PAX3: variants seen among roughly 807,000 people sequenced by gnomAD.
PAX3 encodes the protein paired box 3.
In PAX3, 14 loss-of-function variants were observed where a neutral mutation model predicts 51.6. That is an observed-to-expected ratio of 0.27 (90% CI 0.18 to 0.42). The LOEUF is 0.42. Among genes scored for constraint, PAX3 ranks in the 10% least tolerant of loss-of-function variants. The pLI, the probability that PAX3 is intolerant of heterozygous loss-of-function variation, is 1.00. For synonymous variants in PAX3, 280 were observed against 253.4 expected (o/e 1.11, Z -1.00); for missense variants, 540 against 642.8 (o/e 0.84, Z 1.73).
At chr2:222,238,150 A>G (rs1692869900) in intron 4 of PAX3, among the ~76,000 whole-genome samples, 1 of 152,208 alleles carries the variant, frequency 6.6e-6, no homozygotes, top group Non-Finnish European at 1.5e-5. Context: ...ATACCCCCAC[A>G]GGATTACAAA....
At chr2:222,262,263 G>A (rs2106145925) in intron 4 of PAX3, among the ~76,000 whole-genome samples, 2 of 152,160 alleles carry the variant, frequency 1.3e-5, no homozygotes, top group Non-Finnish European at 2.9e-5. Flanking sequence ...TATGTTGGTG[G>A]ACTTAGGGAT....
intron 4 of PAX3, among the ~76,000 whole-genome samples, chr2:222,247,881 C>T (rs976036772): frequency 4.6e-5 from 7 of 151,984 alleles, no homozygotes; most frequent in African/African-American, 1.7e-4. Context: ...CACTATATCT[C>T]ATTATATCTA....
chr2:222,244,731 C>T lies in PAX3; in HGVS notation c.587-12448G>A, dbSNP rs1467614423. On this transcript the variant is annotated intron_variant, in intron 4 of 8. Coordinates refer to ENST00000392070, the MANE Select transcript of PAX3 (RefSeq NM_181458.4). ...GCCCATAGTCAGACAGTATATTGTT[C>T]ACCAAAAAAAAAAAAAAAAAAAGAT... Among the ~76,000 whole-genome samples, 7 of 118,866 alleles carry T rather than the reference C, an allele frequency of 5.9e-5. No homozygotes were observed. In the South Asian group the frequency reaches 9.0e-4, roughly 15 times the overall value. The allele number at this position is 118,866 out of a possible 152,430, so 78.0% of individuals were successfully genotyped here. A position where few individuals can be genotyped will look rare whatever the true frequency, so the allele number is the denominator to read the frequency against.
chr2:222,294,306 G>A lies in PAX3; in HGVS notation c.452-5C>T, dbSNP rs753791720. 1.7e-5 allele frequency: 27 copies of A among 1,614,030 alleles called. No homozygotes were observed. Among genetic ancestry groups the A allele is most frequent in the Non-Finnish European group, 2.0e-5 (24 of 1,180,052 alleles). On this transcript the variant is annotated splice_polypyrimidine_tract_variant and splice_region_variant and intron_variant, in intron 3 of 8. Coordinates refer to ENST00000392070, the MANE Select transcript of PAX3 (RefSeq NM_181458.4). ...GGATGCGGCTGATGGAACTCACTGG[G>A]GGCGGGAGGAGGAAGGAAGCAAGGG...
chr2:222,291,296 G>A (rs1325335761), intron 4 of PAX3, among the ~76,000 whole-genome samples: 1 of 152,166 alleles, frequency 6.6e-6, no homozygotes, highest in Non-Finnish European at 1.5e-5. Context: ...GATAGCGGGC[G>A]GGGTTCGTGT....
chr2:222,219,031 T>C (rs1407479179), intron 7 of PAX3, among the ~76,000 whole-genome samples: 1 of 152,114 alleles, frequency 6.6e-6, no homozygotes, highest in Non-Finnish European at 1.5e-5. Context: ...ACACCACAAG[T>C]TGAAGAAAAC....
intron 5 of PAX3, among the ~76,000 whole-genome samples, chr2:222,228,307 T>TA (rs1692458711): frequency 6.6e-6 from 1 of 152,166 alleles, no homozygotes; most frequent in Non-Finnish European, 1.5e-5. Flanking sequence ...AGACAGCTGT[T>TA]ACGTTAATGA....
intron 7 of PAX3, among the ~76,000 whole-genome samples, chr2:222,212,560 GA>G (rs1348344515): frequency 1.3e-5 from 2 of 151,346 alleles, no homozygotes; most frequent in Admixed American, 6.6e-5. Context: ...ACTATACATT[GA>G]AAAAATACAC....
chr2:222,267,566 T>A (rs1694096783), intron 4 of PAX3, among the ~76,000 whole-genome samples: 1 of 152,244 alleles, frequency 6.6e-6, no homozygotes, highest in African/African-American at 2.4e-5. Context: ...TTACTTGAGT[T>A]TCCCCTTATT....
At chr2:222,203,933 CTCTT>C (rs1204100143) in intron 7 of PAX3, among the ~76,000 whole-genome samples, 9 of 152,158 alleles carry the variant, frequency 5.9e-5, no homozygotes, top group Non-Finnish European at 2.9e-5. Flanking sequence ...TTTGTTGTCT[CTCTT>C]TCATTTGAGT....
chr2:222,285,355 A>T (rs1470850066), intron 4 of PAX3, among the ~76,000 whole-genome samples: 1 of 152,236 alleles, frequency 6.6e-6, no homozygotes, highest in South Asian at 2.1e-4. Flanking sequence ...GAAACTAGGA[A>T]GTTAGTACTC....
chr2:222,240,021 T>C lies in PAX3; in HGVS notation c.587-7738A>G, dbSNP rs544847974. ...TGACCCAAGCCCTTCCCTCGGAAGC[T>C]GCCGTCTCACAGCACGAGGTCATTA... On this transcript the variant is annotated intron_variant, in intron 4 of 8. Coordinates refer to ENST00000392070, the MANE Select transcript of PAX3 (RefSeq NM_181458.4). Among the ~76,000 whole-genome samples the C allele has an allele frequency of 2.0e-5, 3 of 152,196 alleles. No individual in the cohort carries two copies. The South Asian group carries it at 6.2e-4, about 32-fold the overall frequency.
chr2:222,218,545 T>C (rs1692057357), intron 7 of PAX3, among the ~76,000 whole-genome samples: 1 of 152,214 alleles, frequency 6.6e-6, no homozygotes, highest in East Asian at 1.9e-4. Context: ...AAAGCTTTTC[T>C]ACAGCCCCCA....
intron 1 of PAX3, among the ~76,000 whole-genome samples, chr2:222,297,503 G>A (rs1267643137): frequency 1.3e-5 from 2 of 152,212 alleles, no homozygotes; most frequent in Non-Finnish European, 2.9e-5. Context: ...GGCAACTTAG[G>A]AGACCCTGCA....
At chr2:222,274,699 T>G (rs1694360327) in intron 4 of PAX3, among the ~76,000 whole-genome samples, 1 of 152,102 alleles carries the variant, frequency 6.6e-6, no homozygotes, top group Admixed American at 6.5e-5. Context: ...GAACCTCAAC[T>G]AGCACTTCCC....
chr2:222,201,048 C>A lies in PAX3; in HGVS notation c.*360G>T. ...GTAAATCTCAATACACACACACACA[C>A]ACACACGCACGCACGCACACAAGCA... is the stretch of plus-strand genomic sequence containing the variant. On this transcript the variant is annotated 3_prime_UTR_variant, in exon 9 of 9. Coordinates refer to ENST00000392070, the MANE Select transcript of PAX3 (RefSeq NM_181458.4). 1 of 995,220 alleles carries A rather than the reference C, an allele frequency of 1.0e-6. No homozygotes were observed. The highest frequency in any genetic ancestry group is 1.5e-6 in the Non-Finnish European group (1 of 650,418). The allele number at this position is 995,220 out of a possible 1,614,324, so 61.6% of individuals were successfully genotyped here. A position where few individuals can be genotyped will look rare whatever the true frequency, so the allele number is the denominator to read the frequency against.
chr2:222,225,544 C>G (rs1692352570), intron 5 of PAX3, among the ~76,000 whole-genome samples: 1 of 152,118 alleles, frequency 6.6e-6, no homozygotes, highest in Non-Finnish European at 1.5e-5. Flanking sequence ...AAAGATACAA[C>G]AATACATCTT....
intron 4 of PAX3, chr2:222,264,609 T>A (rs1693978604): frequency 6.6e-6 from 1 of 152,132 alleles, no homozygotes; most frequent in African/African-American, 2.4e-5. Flanking sequence ...TTTCAAAAAA[T>A]AAATTTAAAA....
In PAX3 at chr2:222,202,143, C is replaced by G. The variant is rs754746623; in HGVS notation, c.1221G>C (p.Gln407His). Reference protein sequence around the residue: ...TNHGGVPHQPQTDYALSPLTG... With the variant: ...TNHGGVPHQPHTDYALSPLTG... ...TGAGAGGGGAGAGCGCGTAATCAGT[C>G]TGGGGCTGATGAGGTACCCCACCGT... is the stretch of plus-strand genomic sequence containing the variant. The change falls in exon 8 of 9, where the codon CAG (glutamine) becomes CAC (histidine). Residue 407 changes from glutamine to histidine, a missense_variant. Physicochemically the swap from Gln to His is conservative, Grantham distance 24 (BLOSUM62 0). Around this residue, in one of 3 missense-constraint regions of PAX3, gnomAD observed 427 missense variants for 483.6 expected, o/e 0.88. Coordinates refer to ENST00000392070, the MANE Select transcript of PAX3 (RefSeq NM_181458.4). 1 of 1,611,284 alleles carries G rather than the reference C, an allele frequency of 6.2e-7. No homozygotes were observed. Among genetic ancestry groups the G allele is most frequent in the Admixed American group, 1.7e-5 (1 of 59,638 alleles).
Sources: gnomAD v4.1 joint callset for allele counts (sites outside exome capture counted in the v4.1 genomes callset) on GRCh38, gnomAD v4.1.1 for gene constraint, gnomAD v4.1.1 regional missense constraint, MANE v1.5 for transcripts, NCBI Gene and HGNC (gene_info 2026-07-23, HGNC 2026-07-21) for gene names.